SPO11: variants seen among roughly 807,000 people sequenced by gnomAD.
The protein encoded by SPO11 is meiotic recombination protein SPO11.
A neutral mutation model predicts 51.6 loss-of-function variants in SPO11; 49 were observed. That is an observed-to-expected ratio of 0.95 (90% CI 0.75 to 1.20). The LOEUF (loss-of-function observed/expected upper bound fraction) is 1.20, where lower values mean the gene tolerates loss of function less well. Among genes scored for constraint, SPO11 ranks in the 50% most tolerant of loss-of-function variants. The pLI is 0.00. For synonymous variants in SPO11, 176 were observed against 158.2 expected (o/e 1.11, Z -0.84); for missense variants, 431 against 473.4 (o/e 0.91, Z 0.83).
intron 9 of SPO11, among the ~76,000 whole-genome samples, chr20:57,338,620 T>C (rs2066542925): frequency 6.6e-6 from 1 of 152,008 alleles, no homozygotes; most frequent in Non-Finnish European, 1.5e-5. Context: ...ATTTTTTATA[T>C]TTTTAGTAGA....
chr20:57,329,940 G>A lies in SPO11; in HGVS notation c.73G>A (p.Ala25Thr). ...GGACCGACACAGGGAGTCCCTGCTG[G>A]CTGCCCTGAGGAGAGGTGGCAGGGA... is the stretch of plus-strand genomic sequence containing the variant. ...VLDRHRESLLAALRRGGREPP... is the reference protein window; with the variant it reads ...VLDRHRESLLTALRRGGREPP... Residue 25 changes from alanine (A) to threonine (T), a missense_variant, in exon 1 of 13, where the codon GCT (alanine) becomes ACT (threonine). By Grantham distance (58) the Ala-to-Thr change is moderately conservative (BLOSUM62 0). This residue lies in a region of SPO11 where 405 missense variants were observed against 425.9 expected (regional missense o/e 0.95). Coordinates refer to ENST00000371263, the MANE Select transcript of SPO11 (RefSeq NM_012444.3). The A allele has an allele frequency of 6.2e-7, 1 of 1,613,390 alleles. No individual in the cohort carries two copies. The highest frequency in any genetic ancestry group is 1.7e-5 in the Admixed American group (1 of 60,008).
chr20:57,334,691 T>C, intron 5 of SPO11, 59 bp from the exon 6 acceptor site: 1 of 1,390,108 alleles, frequency 7.2e-7, no homozygotes, highest in Non-Finnish European at 1.0e-6. Context: ...AAGGAGTGAC[T>C]TAATAGCATA....
chr20:57,330,815 AG>A (rs2066440313), intron 1 of SPO11, among the ~76,000 whole-genome samples: 1 of 152,204 alleles, frequency 6.6e-6, no homozygotes, highest in Admixed American at 6.5e-5. Flanking sequence ...GTGAGGGAAA[AG>A]GAGAGTGGCA....
At chr20:57,342,874 T>G (rs2066600243) in intron 12 of SPO11, 34 bp downstream of exon 12, 2 of 1,458,752 alleles carry the variant, frequency 1.4e-6, no homozygotes, top group Non-Finnish European at 1.9e-6. Flanking sequence ...GTGTTGCATG[T>G]TTAATTGTCT....
In SPO11 at chr20:57,333,983, A is replaced by C. The variant is rs776079065; in HGVS notation, c.402-4A>C. 2 of 1,493,050 alleles carry C rather than the reference A, an allele frequency of 1.3e-6. No homozygotes were observed. Among genetic ancestry groups the C allele is most frequent in the Non-Finnish European group, 1.8e-6 (2 of 1,100,698 alleles). 92.5% of individuals were successfully genotyped at this position (1,493,050 alleles called of 1,614,324 possible). A position where few individuals can be genotyped will look rare whatever the true frequency, so the allele number is the denominator to read the frequency against. ...TTAAAAATATGTATTTTAAATTTTC[A>C]TAGGGACATATATTACACTGACAGT... On this transcript the variant is annotated splice_region_variant and splice_polypyrimidine_tract_variant and intron_variant, in intron 4 of 12. Transcript: ENST00000371263.
intron 7 of SPO11, 88 bp from the exon 8 acceptor site, chr20:57,335,710 C>A: frequency 1.2e-6 from 1 of 817,442 alleles, no homozygotes; most frequent in Non-Finnish European, 2.0e-6. Context: ...TCTATAGCTG[C>A]TTTTGAATTA....
intron 8 of SPO11, among the ~76,000 whole-genome samples, chr20:57,337,957 G>A (rs1034239652): frequency 3.3e-5 from 5 of 151,932 alleles, no homozygotes; most frequent in East Asian, 3.9e-4. Context: ...GCGTGATTTC[G>A]GCTCATTGCA....
At position 57,342,715 on chromosome 20, in the gene SPO11, CT is replaced by C; in HGVS notation, c.960-13del. On this transcript the variant is annotated splice_polypyrimidine_tract_variant and intron_variant, in intron 11 of 12. Coordinates refer to ENST00000371263, the MANE Select transcript of SPO11 (RefSeq NM_012444.3). ...ACACTTTTTTACTGATTTTTTTCAC[CT>C]ACTTTTTTCCAGATTAAATGTACCT... The C allele has an allele frequency of 6.5e-7, 1 of 1,549,858 alleles. No homozygotes were observed. Among genetic ancestry groups the C allele is most frequent in the Non-Finnish European group, 8.9e-7 (1 of 1,127,298 alleles).
intron 5 of SPO11, among the ~76,000 whole-genome samples, 155 bp downstream of exon 5, chr20:57,334,250 G>T (rs923995850): frequency 6.6e-6 from 1 of 151,676 alleles, no homozygotes; most frequent in South Asian, 2.1e-4. Flanking sequence ...TGCCTCCTGG[G>T]TTCATGCCAT....
At chr20:57,340,420 T>C (rs1388407050) in intron 11 of SPO11, among the ~76,000 whole-genome samples, 1 of 152,240 alleles carries the variant, frequency 6.6e-6, no homozygotes, top group Non-Finnish European at 1.5e-5. Flanking sequence ...ACTTTCTGTT[T>C]TACTTTTATG....
At chr20:57,332,695 C>T (rs1004022707) in intron 2 of SPO11, among the ~76,000 whole-genome samples, 9 of 152,152 alleles carry the variant, frequency 5.9e-5, no homozygotes, top group African/African-American at 1.9e-4. Context: ...CTTCTGCCAC[C>T]TTTAGGGGAA....
intron 2 of SPO11, 44 bp downstream of exon 2, chr20:57,331,990 C>G: frequency 8.8e-7 from 1 of 1,138,324 alleles, no homozygotes; most frequent in African/African-American, 1.6e-5. Context: ...ATATCTATGT[C>G]ATTATTAAAA....
chr20:57,341,647 C>A (rs1490946163), intron 11 of SPO11, among the ~76,000 whole-genome samples: 1 of 152,090 alleles, frequency 6.6e-6, no homozygotes, highest in African/African-American at 2.4e-5. Flanking sequence ...CAAGAGGAAA[C>A]ATTTCATTCT....
intron 11 of SPO11, among the ~76,000 whole-genome samples, chr20:57,342,110 C>T (rs2146102934): frequency 6.6e-6 from 1 of 152,198 alleles, no homozygotes; most frequent in East Asian, 1.9e-4. Flanking sequence ...AAAACACATA[C>T]CATGATAAAG....
Position 57,338,991 on chromosome 20 carries a change from A to T in SPO11, c.847A>T (p.Ile283Leu). ...TATAGTTAACTTTCTTTTAACAGGC[A>T]TAGAAATAATGTGCATCTATAAGTA... ...FTLVDADPHGIEIMCIYKYGS... is the reference protein window; with the variant it reads ...FTLVDADPHGLEIMCIYKYGS... The change falls in exon 10 of 13, where the codon ATA (isoleucine) becomes TTA (leucine). Residue 283 changes from isoleucine to leucine, a missense_variant and splice_region_variant. By Grantham distance (5) the Ile-to-Leu change is conservative. Coordinates refer to ENST00000371263, the MANE Select transcript of SPO11 (RefSeq NM_012444.3). The T allele has an allele frequency of 6.7e-7, 1 of 1,492,488 alleles. No homozygotes were observed. The highest frequency in any genetic ancestry group is 9.1e-7 in the Non-Finnish European group (1 of 1,095,598). The allele number at this position is 1,492,488 out of a possible 1,614,324, so 92.5% of individuals were successfully genotyped here.
chr20:57,333,842 A>G, intron 4 of SPO11, 89 bp downstream of exon 4: 1 of 982,266 alleles, frequency 1.0e-6, no homozygotes, highest in East Asian at 2.5e-5. Context: ...GAAAAGTTAC[A>G]TAAGACTAAA....
Position 57,330,007 on chromosome 20 carries a change from G to A in SPO11, c.131+9G>A, listed in dbSNP as rs369529162. 4.3e-5 allele frequency: 68 copies of A among 1,583,756 alleles called. No homozygotes were observed. The highest frequency in any genetic ancestry group is 5.7e-5 in the Non-Finnish European group (66 of 1,167,544). On this transcript the variant is annotated intron_variant, in intron 1 of 12. Coordinates refer to ENST00000371263, the MANE Select transcript of SPO11 (RefSeq NM_012444.3). ...AGCCGCCTGGCCTCCAGGTACAGGA[G>A]CTGGTGCCGAGGCGCGACGCAGCCA...
chr20:57,343,402 C>T lies in SPO11; in HGVS notation c.1133C>T (p.Ser378Leu). ...ATTCAAGCTTTGACTTTCCTATCAT[C>T]AGATTATCTTTCCAGAGTGTACTTA... ...AEIQALTFLS[S>L]DYLSRVYLPN... The change falls in exon 13 of 13, where the codon TCA becomes TTA. Residue 378 changes from serine to leucine, a missense_variant. Ser to Leu is a moderately radical substitution (Grantham distance 145). This residue lies in a region of SPO11 where 23 missense variants were observed against 27.3 expected (regional missense o/e 0.84). Coordinates refer to ENST00000371263, the MANE Select transcript of SPO11 (RefSeq NM_012444.3). The T allele has an allele frequency of 3.1e-6, 5 of 1,611,460 alleles. No individual in the cohort carries two copies. Among genetic ancestry groups the T allele is most frequent in the Non-Finnish European group, 4.2e-6 (5 of 1,178,876 alleles).
chr20:57,336,163 C>G (rs1046913485), intron 8 of SPO11, among the ~76,000 whole-genome samples: 1 of 152,062 alleles, frequency 6.6e-6, no homozygotes, highest in Non-Finnish European at 1.5e-5. Context: ...GATCATAGAG[C>G]ACTGTAACCT....
Sources: gnomAD v4.1 joint callset for allele counts (sites outside exome capture counted in the v4.1 genomes callset) on GRCh38, gnomAD v4.1.1 for gene constraint, gnomAD v4.1.1 regional missense constraint, MANE v1.5 for transcripts, NCBI Gene and HGNC (gene_info 2026-07-23, HGNC 2026-07-21) for gene names.